SERPINB8: variants seen among roughly 807,000 people sequenced by gnomAD.
SERPINB8 encodes serpin B8.
SERPINB8 carries 25 observed loss-of-function variants against 35.3 expected under a neutral mutation model. That is an observed-to-expected ratio of 0.71 (90% CI 0.52 to 0.99). The LOEUF is 0.99. SERPINB8 is among the 50% of genes least tolerant of loss of function. The probability of loss-of-function intolerance (pLI) is 0.00; values close to 1 mark genes in which losing one functional copy is unlikely to be tolerated. For missense variants in SERPINB8, 484 were observed against 446.5 expected (o/e 1.08, Z -0.76); for synonymous variants, 186 against 160.8 (o/e 1.16, Z -1.19).
chr18:63,974,049 T>A (rs1322523758), intron 1 of SERPINB8, among the ~76,000 whole-genome samples: 1 of 152,278 alleles, frequency 6.6e-6, no homozygotes, highest in Non-Finnish European at 1.5e-5. Flanking sequence ...TTGATGGGGA[T>A]GGCATTGAAT....
chr18:63,973,313 C>G (rs2050523263), intron 1 of SERPINB8, among the ~76,000 whole-genome samples: 1 of 152,140 alleles, frequency 6.6e-6, no homozygotes, highest in Non-Finnish European at 1.5e-5. Flanking sequence ...CTGTTCATAT[C>G]CATTGCCCAC....
At chr18:63,986,377 C>T (rs1273781874) in intron 6 of SERPINB8, 7 of 1,560,642 alleles carry the variant, frequency 4.5e-6, no homozygotes, top group Admixed American at 1.9e-5. Flanking sequence ...CTTCTCATGC[C>T]TCCCTTCATC....
chr18:63,987,180 A>T lies in SERPINB8; in HGVS notation c.1027A>T (p.Met343Leu). The change falls in exon 7 of 7, where the codon ATG (methionine) becomes TTG (leucine). Residue 343 changes from methionine to leucine, a missense_variant. Met to Leu is a conservative substitution (Grantham distance 15). Coordinates refer to ENST00000397985, the MANE Select transcript of SERPINB8 (RefSeq NM_002640.4). Reference sequence around the variant, plus strand: ...GGTCAGGAATTCCCGGTGCAGCAGAATGGAGCCAAGATTCTGTGCAGACCA... The same window carrying T: ...GGTCAGGAATTCCCGGTGCAGCAGATTGGAGCCAAGATTCTGTGCAGACCA... ...AVVRNSRCSR[M>L]EPRFCADHPF... 1 of 1,614,198 alleles carries T rather than the reference A, an allele frequency of 6.2e-7. No individual in the cohort carries two copies. The highest frequency in any genetic ancestry group is 2.2e-5 in the East Asian group (1 of 44,876).
At chr18:64,003,729 A>G (rs1333619870) in intron 1 of SERPINB8, among the ~76,000 whole-genome samples, 1 of 152,024 alleles carries the variant, frequency 6.6e-6, no homozygotes, top group East Asian at 1.9e-4. Context: ...GCAGGAGGAG[A>G]CTGATGCTCC....
chr18:63,986,615 G>A, intron 6 of SERPINB8: 2 of 1,321,142 alleles, frequency 1.5e-6, no homozygotes, highest in Non-Finnish European at 1.9e-6. Flanking sequence ...AAAGGAGTTA[G>A]GTACAAATTG....
intron 6 of SERPINB8, chr18:63,986,570 T>C (rs1235540919): frequency 6.1e-6 from 8 of 1,316,132 alleles, no homozygotes; most frequent in African/African-American, 1.5e-5. Context: ...TTGGTTAGAA[T>C]TTTCTAAACT....
At position 63,981,726 on chromosome 18, in the gene SERPINB8, T is replaced by C. The variant is rs2050674105; in HGVS notation, c.312T>C (p.Phe104=). 6.2e-7 allele frequency: 1 copy of C among 1,609,718 alleles called. No homozygotes were observed. Among genetic ancestry groups the C allele is most frequent in the East Asian group, 2.2e-5 (1 of 44,870 alleles). Residue 104 remains phenylalanine (F), a synonymous_variant, in exon 4 of 7, where the codon TTT becomes TTC. Coordinates refer to ENST00000397985, the MANE Select transcript of SERPINB8 (RefSeq NM_002640.4). ...TCAGTGTTTTGTGTTTGCAGGACTT[T>C]AAAGAATACTGTCAGAAGTTCTATC... ...GEKTCDFLPD[F]KEYCQKFYQA... is the part of the protein sequence containing the mutation.
chr18:63,982,804 A>T (rs1462904274), intron 4 of SERPINB8, among the ~76,000 whole-genome samples: 1 of 151,664 alleles, frequency 6.6e-6, no homozygotes, highest in Non-Finnish European at 1.5e-5. Flanking sequence ...CCTTAGGCTG[A>T]CCACCCACAT....
rs1417536951 is a variant in SERPINB8, at chr18:63,986,812, G to A, written c.721-62G>A. Reference sequence around the variant, plus strand: ...TGTCATTGGGGGAGGGGTAATAAATGGGTGTGTGGGTATCAGGCTATTGTC... The same window carrying A: ...TGTCATTGGGGGAGGGGTAATAAATAGGTGTGTGGGTATCAGGCTATTGTC... On this transcript the variant is annotated intron_variant, in intron 6 of 6. Coordinates refer to ENST00000397985, the MANE Select transcript of SERPINB8 (RefSeq NM_002640.4). 12 of 1,470,518 alleles carry A rather than the reference G, an allele frequency of 8.2e-6. No homozygotes were observed. In the East Asian group the frequency reaches 2.5e-4, roughly 31 times the overall value. 91.1% of individuals were successfully genotyped at this position (1,470,518 alleles called of 1,614,324 possible).
chr18:64,004,016 A>T (rs76355757), intron 1 of SERPINB8, among the ~76,000 whole-genome samples: 4,367 of 152,270 alleles, frequency 0.029, 217 homozygotes, highest in African/African-American at 0.1. Context: ...CCTCTGGAGG[A>T]TATACACACT....
Position 63,987,523 on chromosome 18 carries a change from C to T in SERPINB8, c.*245C>T, listed in dbSNP as rs2050780558. 1.0e-5 allele frequency: 5 copies of T among 490,970 alleles called. No individual in the cohort carries two copies. Among genetic ancestry groups the T allele is most frequent in the Middle Eastern group, 1.1e-3 (2 of 1,860 alleles). The allele number at this position is 490,970 out of a possible 1,614,324, so 30.4% of individuals were successfully genotyped here. A position where few individuals can be genotyped will look rare whatever the true frequency, so the allele number is the denominator to read the frequency against. Reference sequence around the variant, plus strand: ...GTGTTTGGGGTGCCTGCCATTGCCTCTGCCTTCACCTAAGTCTGTGCCCAT... The same window carrying T: ...GTGTTTGGGGTGCCTGCCATTGCCTTTGCCTTCACCTAAGTCTGTGCCCAT... On this transcript the variant is annotated 3_prime_UTR_variant, in exon 7 of 7. Coordinates refer to ENST00000397985, the MANE Select transcript of SERPINB8 (RefSeq NM_002640.4).
At chr18:63,990,617 T>C (rs775393704), downstream of SERPINB8, among the ~76,000 whole-genome samples, 4 of 152,102 alleles carry the variant, frequency 2.6e-5, no homozygotes, top group Non-Finnish European at 5.9e-5. Flanking sequence ...CTGCACCCAT[T>C]AACTCGTCAT....
chr18:64,010,336 G>A (rs12966514), downstream of SERPINB8, among the ~76,000 whole-genome samples: 4,277 of 152,160 alleles, frequency 0.028, 89 homozygotes, highest in East Asian at 0.093. Context: ...AAACCACTTA[G>A]GAAAATGATC....
chr18:63,992,873 G>C (rs530162580), downstream of SERPINB8, among the ~76,000 whole-genome samples: 1 of 151,988 alleles, frequency 6.6e-6, no homozygotes, highest in Non-Finnish European at 1.5e-5. Flanking sequence ...ATTGTCAGTC[G>C]GCCGTTTGGT....
intron 1 of SERPINB8, among the ~76,000 whole-genome samples, chr18:63,995,332 G>T (rs2050844171): frequency 6.6e-6 from 1 of 152,210 alleles, no homozygotes; most frequent in African/African-American, 2.4e-5. Context: ...AGTTCAGTGA[G>T]GAGGTGGGAG....
intron 3 of SERPINB8, among the ~76,000 whole-genome samples, chr18:63,980,326 A>G (rs1018740023): frequency 2.6e-5 from 4 of 152,160 alleles, no homozygotes; most frequent in Non-Finnish European, 4.4e-5. Context: ...AATTGCACCT[A>G]CAACTGACAC....
At chr18:63,996,870 C>T (rs1312321943) in intron 1 of SERPINB8, among the ~76,000 whole-genome samples, 1 of 152,222 alleles carries the variant, frequency 6.6e-6, no homozygotes, top group African/African-American at 2.4e-5. Flanking sequence ...TGGGCTTATT[C>T]ATCTACTGTT....
downstream of SERPINB8, among the ~76,000 whole-genome samples, chr18:63,989,669 C>T (rs1164951852): frequency 2.6e-5 from 4 of 152,198 alleles, no homozygotes; most frequent in East Asian, 1.9e-4. Flanking sequence ...TTAGGCCGGG[C>T]GCGGTGGCTC....
chr18:63,983,784 C>T, intron 5 of SERPINB8, 63 bp downstream of exon 5: 3 of 1,133,806 alleles, frequency 2.6e-6, no homozygotes, highest in Non-Finnish European at 3.9e-6. Context: ...GAAATATTCT[C>T]TTGGAAAAAT....
Sources: allele counts gnomAD v4.1 joint callset (sites outside exome capture counted in the v4.1 genomes callset), GRCh38; gene constraint gnomAD v4.1.1; transcripts MANE v1.5; gene names NCBI Gene and HGNC (gene_info 2026-07-23, HGNC 2026-07-21).